ST3GAL3: variants seen among roughly 807,000 people sequenced by gnomAD.
The protein encoded by ST3GAL3 is CMP-N-acetylneuraminate-beta-1,4-galactoside alpha-2,3-sialyltransferase.
A neutral mutation model predicts 50.1 loss-of-function variants in ST3GAL3; 21 were observed. The observed-to-expected ratio is 0.42, with a 90% CI of 0.30 to 0.60. The LOEUF (loss-of-function observed/expected upper bound fraction) is 0.60, where lower values mean the gene tolerates loss of function less well. Among genes scored for constraint, ST3GAL3 ranks in the 20% least tolerant of loss-of-function variants. ST3GAL3 has a pLI of 0.19. For missense variants in ST3GAL3, 353 were observed against 489.4 expected (o/e 0.72, Z 2.63); for synonymous variants, 183 against 190.0 (o/e 0.96, Z 0.30).
intron 2 of ST3GAL3, among the ~76,000 whole-genome samples, chr1:43,782,068 C>T (rs908470757): frequency 2.0e-5 from 3 of 152,308 alleles, no homozygotes; most frequent in Middle Eastern, 6.8e-3. Flanking sequence ...GTTAACTGAA[C>T]CTGCTCTTTC....
At chr1:43,844,266 AGCCCTTTTCCCATCCCCG>A (rs1280087219) in intron 5 of ST3GAL3, among the ~76,000 whole-genome samples, 1 of 152,158 alleles carries the variant, frequency 6.6e-6, no homozygotes, top group Non-Finnish European at 1.5e-5. Flanking sequence ...ATCAACCTTC[AGCCCTTTTCCCATCCCCG>A]AGGTCAGAGG....
chr1:43,783,056 G>A (rs1296124277), intron 2 of ST3GAL3, among the ~76,000 whole-genome samples: 2 of 94,792 alleles, frequency 2.1e-5, no homozygotes, highest in African/African-American at 7.8e-5. Context: ...CTAGTTTGAG[G>A]GGGCTCAGAT....
intron 4 of ST3GAL3, among the ~76,000 whole-genome samples, chr1:43,828,739 C>A (rs37454): frequency 0.27 from 40,413 of 151,624 alleles, 6,120 homozygotes; most frequent in Middle Eastern, 0.35. Context: ...TAAAAAAAAA[C>A]CAAAAAACCT....
chr1:43,846,216 CAG>C (rs1185689819), intron 5 of ST3GAL3, among the ~76,000 whole-genome samples: 2 of 152,156 alleles, frequency 1.3e-5, no homozygotes, highest in Middle Eastern at 3.2e-3. Flanking sequence ...CAATTACTGA[CAG>C]AGGGGTAATG....
chr1:43,732,054 T>C (rs1676167095), intron 1 of ST3GAL3, among the ~76,000 whole-genome samples: 1 of 152,254 alleles, frequency 6.6e-6, no homozygotes, highest in African/African-American at 2.4e-5. Context: ...TACATACTAT[T>C]CTACAGCTAG....
chr1:43,742,310 C>T (rs1013297567), intron 2 of ST3GAL3, among the ~76,000 whole-genome samples: 4 of 152,114 alleles, frequency 2.6e-5, no homozygotes, highest in African/African-American at 4.8e-5. Flanking sequence ...ACCGTAGACC[C>T]GCCCTAACAA....
chr1:43,833,640 C>G (rs2063837526), intron 4 of ST3GAL3, among the ~76,000 whole-genome samples: 1 of 152,004 alleles, frequency 6.6e-6, no homozygotes, highest in Non-Finnish European at 1.5e-5. Flanking sequence ...ATTAAGAGAG[C>G]CAGGATAAAA....
chr1:43,753,214 G>A (rs563497395), intron 2 of ST3GAL3, among the ~76,000 whole-genome samples: 2 of 152,196 alleles, frequency 1.3e-5, no homozygotes, highest in African/African-American at 2.4e-5. Context: ...CTGTACACGC[G>A]TGGGCATGAG....
intron 3 of ST3GAL3, among the ~76,000 whole-genome samples, chr1:43,808,301 C>CT (rs2060139770): frequency 1.2e-5 from 1 of 82,880 alleles, no homozygotes; most frequent in African/African-American, 7.1e-5. Context: ...GAGACTCCAT[C>CT]TCAAAAAAAA....
At chr1:43,814,830 G>A in intron 3 of ST3GAL3, 61 bp from the exon 4 acceptor site, 6 of 1,515,482 alleles carry the variant, frequency 4.0e-6, no homozygotes, top group Non-Finnish European at 5.5e-6. Context: ...TCTGGGGGAT[G>A]CAATATGCTA....
intron 2 of ST3GAL3, among the ~76,000 whole-genome samples, chr1:43,782,562 G>A (rs1364416988): frequency 1.4e-5 from 2 of 138,058 alleles, no homozygotes; most frequent in African/African-American, 5.4e-5. Flanking sequence ...TATTTTCACT[G>A]TTTCTCCCTC....
intron 2 of ST3GAL3, among the ~76,000 whole-genome samples, chr1:43,786,156 A>G (rs1439556886): frequency 6.6e-6 from 1 of 151,708 alleles, no homozygotes; most frequent in African/African-American, 2.4e-5. Context: ...CCCCTAATCT[A>G]CCTTTTACTC....
At chr1:43,905,383 C>T (rs1369706799) in intron 9 of ST3GAL3, among the ~76,000 whole-genome samples, 3 of 108,910 alleles carry the variant, frequency 2.8e-5, no homozygotes, top group African/African-American at 1.1e-4. Context: ...TCCCACCACT[C>T]TTCCTCCCCC....
At chr1:43,843,372 A>G (rs2065732231) in intron 5 of ST3GAL3, among the ~76,000 whole-genome samples, 1 of 152,178 alleles carries the variant, frequency 6.6e-6, no homozygotes, top group East Asian at 1.9e-4. Context: ...AATATGATGA[A>G]TTACATTGAT....
chr1:43,747,360 C>T (rs1172377994), intron 2 of ST3GAL3, among the ~76,000 whole-genome samples: 7 of 151,700 alleles, frequency 4.6e-5, no homozygotes, highest in African/African-American at 7.3e-5. Flanking sequence ...TGCAGTGAGC[C>T]GAGATCATGC....
chr1:43,890,166 T>G (rs1283597132), intron 5 of ST3GAL3, among the ~76,000 whole-genome samples: 4 of 152,180 alleles, frequency 2.6e-5, no homozygotes, highest in Admixed American at 2.6e-4. Context: ...TTAAGAAAAG[T>G]TGTTTAGGTG....
At position 43,899,809 on chromosome 1, in the gene ST3GAL3, C is replaced by T; in HGVS notation, c.744+82C>T. 2 of 1,336,056 alleles carry T rather than the reference C, an allele frequency of 1.5e-6. No individual in the cohort carries two copies. Among genetic ancestry groups the T allele is most frequent in the Non-Finnish European group, 1.1e-6 (1 of 936,128 alleles). 82.8% of individuals were successfully genotyped at this position (1,336,056 alleles called of 1,614,324 possible). Reference sequence around the variant, plus strand: ...AAGCAATCCCGCCCCTTGAATGCAGCAAAGAACGAGTAAGAACCTTCAAAG... The same window carrying T: ...AAGCAATCCCGCCCCTTGAATGCAGTAAAGAACGAGTAAGAACCTTCAAAG... On this transcript the variant is annotated intron_variant, in intron 9 of 11. Transcript: ENST00000347631. The surrounding 1 kb of genome is among the most constrained non-coding windows in gnomAD (Gnocchi z 5.4).
chr1:43,767,056 G>A (rs948951884), intron 2 of ST3GAL3, among the ~76,000 whole-genome samples: 13 of 152,266 alleles, frequency 8.5e-5, no homozygotes, highest in Admixed American at 6.5e-4. Flanking sequence ...AAATGTGGTC[G>A]GATTTGCATT....
Position 43,920,123 on chromosome 1 carries a change from A to G in ST3GAL3, c.745-281A>G, listed in dbSNP as rs563825988. The G allele has an allele frequency of 2.8e-4, 136 of 481,644 alleles. 3 individuals are homozygous for G. Among genetic ancestry groups the G allele is most frequent in the South Asian group, 2.7e-3 (131 of 48,856 alleles). 29.8% of individuals were successfully genotyped at this position (481,644 alleles called of 1,614,324 possible). A position where few individuals can be genotyped will look rare whatever the true frequency, so the allele number is the denominator to read the frequency against. ...CCCCTCAGGCCACAGCAGCACACCC[A>G]CAGCATCCCACATCCTGTGCCTGCC... On this transcript the variant is annotated intron_variant, in intron 9 of 11. Coordinates refer to ENST00000347631, the MANE Select transcript of ST3GAL3 (RefSeq NM_006279.5).
Sources: allele counts gnomAD v4.1 joint callset (sites outside exome capture counted in the v4.1 genomes callset), GRCh38; gene constraint gnomAD v4.1.1; non-coding constraint Gnocchi (gnomAD v3.1); transcripts MANE v1.5; gene names NCBI Gene and HGNC (gene_info 2026-07-23, HGNC 2026-07-21).